The following MAGI1 variants were observed in gnomAD, a reference collection of about 807,000 sequenced individuals.
The protein encoded by MAGI1 is membrane-associated guanylate kinase, WW and PDZ domain-containing protein 1.
In MAGI1, 58 loss-of-function variants were observed where a neutral mutation model predicts 139.9. The observed-to-expected ratio is 0.41, with a 90% CI of 0.34 to 0.52. MAGI1 has a LOEUF of 0.52. MAGI1 is among the 20% of genes least tolerant of loss of function. MAGI1 has a pLI of 0.12. For synonymous variants in MAGI1, 812 were observed against 737.9 expected (o/e 1.10, Z -1.63); for missense variants, 1,874 against 1,901.6 (o/e 0.99, Z 0.27).
intron 1 of MAGI1, among the ~76,000 whole-genome samples, chr3:65,915,178 T>C (rs1350342988): frequency 6.6e-6 from 1 of 152,166 alleles, no homozygotes; most frequent in African/African-American, 2.4e-5. Flanking sequence ...ACAGAGGTCA[T>C]GAAAGGATGC....
intron 1 of MAGI1, among the ~76,000 whole-genome samples, chr3:65,750,442 T>A (rs2036052578): frequency 6.6e-6 from 1 of 152,216 alleles, no homozygotes; most frequent in Non-Finnish European, 1.5e-5. Context: ...CTAGATGAAC[T>A]GTAGAATGAG....
chr3:65,950,072 AAAAAAC>A (rs1560045600), intron 1 of MAGI1, among the ~76,000 whole-genome samples: 25 of 93,688 alleles, frequency 2.7e-4, no homozygotes, highest in Non-Finnish European at 4.8e-4. Flanking sequence ...AAAAACAAAA[AAAAAAC>A]AAAAAAAAAA....
intron 1 of MAGI1, among the ~76,000 whole-genome samples, chr3:66,033,636 T>C (rs990696851): frequency 2.6e-5 from 4 of 152,166 alleles, no homozygotes; most frequent in Admixed American, 6.5e-5. Flanking sequence ...TATTCAACCA[T>C]ATGTGATCAC....
chr3:65,712,299 C>G (rs565781792), intron 1 of MAGI1, among the ~76,000 whole-genome samples: 1 of 151,822 alleles, frequency 6.6e-6, no homozygotes, highest in African/African-American at 2.4e-5. Context: ...GAAACTGAGC[C>G]GCACAGGGAG....
At chr3:65,524,730 G>A (rs758869413) in intron 2 of MAGI1, among the ~76,000 whole-genome samples, 4 of 152,134 alleles carry the variant, frequency 2.6e-5, no homozygotes, top group Non-Finnish European at 5.9e-5. Flanking sequence ...ATGATAGATC[G>A]CAACAGGTGG....
At chr3:65,374,963 T>C (rs1942358827) in intron 18 of MAGI1, among the ~76,000 whole-genome samples, 1 of 152,104 alleles carries the variant, frequency 6.6e-6, no homozygotes, top group Non-Finnish European at 1.5e-5. Flanking sequence ...ACTCTTAGAT[T>C]CTCCCATTAA....
intron 2 of MAGI1, among the ~76,000 whole-genome samples, chr3:65,556,613 C>A (rs1244056951): frequency 6.6e-6 from 1 of 152,210 alleles, no homozygotes; most frequent in Non-Finnish European, 1.5e-5. Context: ...ATATTTCATG[C>A]ATTCACTACA....
At chr3:65,609,808 C>A in intron 2 of MAGI1, 1 of 319,652 alleles carries the variant, frequency 3.1e-6, no homozygotes, top group African/African-American at 2.2e-5. Context: ...AACTCCTGGG[C>A]TCAAATGATC....
intron 1 of MAGI1, among the ~76,000 whole-genome samples, chr3:65,916,377 T>C (rs1193771195): frequency 1.3e-5 from 2 of 152,108 alleles, no homozygotes; most frequent in Non-Finnish European, 2.9e-5. Context: ...CAAGACTGGA[T>C]AATTTATAAA....
At chr3:65,665,195 G>A (rs1425015181) in intron 1 of MAGI1, among the ~76,000 whole-genome samples, 1 of 152,172 alleles carries the variant, frequency 6.6e-6, no homozygotes, top group African/African-American at 2.4e-5. Flanking sequence ...CAGAGAAAAT[G>A]GTGTGCTGGA....
At chr3:65,487,140 ACCTAACTCCAGCTCAACC>A (rs1362010255) in intron 3 of MAGI1, among the ~76,000 whole-genome samples, 1 of 152,164 alleles carries the variant, frequency 6.6e-6, no homozygotes, top group African/African-American at 2.4e-5. Flanking sequence ...AAATCCAGCA[ACCTAACTCCAGCTCAACC>A]ATCAGATCTC....
chr3:65,966,496 G>T (rs1157643803), intron 1 of MAGI1, among the ~76,000 whole-genome samples: 1 of 151,970 alleles, frequency 6.6e-6, no homozygotes, highest in Non-Finnish European at 1.5e-5. Context: ...GACAAAAAGA[G>T]AAAGGGCAAC....
chr3:65,846,402 C>T (rs2058996081), intron 1 of MAGI1, among the ~76,000 whole-genome samples: 2 of 152,192 alleles, frequency 1.3e-5, no homozygotes, highest in Non-Finnish European at 2.9e-5. Context: ...ACAATGGATG[C>T]AGGTTTGGCC....
chr3:65,675,553 A>C (rs1184091287), intron 1 of MAGI1, among the ~76,000 whole-genome samples: 1 of 152,208 alleles, frequency 6.6e-6, no homozygotes, highest in Non-Finnish European at 1.5e-5. Context: ...GGGCAGCACA[A>C]TGAATTCACC....
intron 9 of MAGI1, among the ~76,000 whole-genome samples, chr3:65,439,370 C>T (rs1320394620): frequency 6.6e-6 from 1 of 152,008 alleles, no homozygotes; most frequent in African/African-American, 2.4e-5. Context: ...AAGGGGGCAA[C>T]CAGGGGAGAA....
chr3:65,984,659 G>A (rs1019411630), intron 1 of MAGI1, among the ~76,000 whole-genome samples: 1 of 149,818 alleles, frequency 6.7e-6, no homozygotes, highest in African/African-American at 2.5e-5. Flanking sequence ...CCTTACTCTC[G>A]GGAGTAGCTG....
At chr3:65,730,432 A>C (rs892620397) in intron 1 of MAGI1, among the ~76,000 whole-genome samples, 2 of 152,204 alleles carry the variant, frequency 1.3e-5, no homozygotes, top group African/African-American at 2.4e-5. Context: ...CAGGGGCGAA[A>C]TGACTATCTT....
At chr3:65,387,964 A>G (rs1943586349) in intron 14 of MAGI1, among the ~76,000 whole-genome samples, 1 of 152,182 alleles carries the variant, frequency 6.6e-6, no homozygotes, top group Admixed American at 6.5e-5. Flanking sequence ...AAGCCTTATA[A>G]TTTCTTTTGT....
intron 2 of MAGI1, chr3:65,498,962 A>G (rs893881992): frequency 2.0e-6 from 2 of 976,804 alleles, no homozygotes; most frequent in Non-Finnish European, 2.4e-6. Flanking sequence ...TACATCCAGT[A>G]CCATGTCCCA....
Sources: gnomAD v4.1 joint callset for allele counts (sites outside exome capture counted in the v4.1 genomes callset) on GRCh38, gnomAD v4.1.1 for gene constraint, MANE v1.5 for transcripts, NCBI Gene and HGNC (gene_info 2026-07-23, HGNC 2026-07-21) for gene names.